The following DLGAP2 variants were observed in gnomAD, a reference collection of about 807,000 sequenced individuals.
DLGAP2 encodes DLG associated protein 2.
Under a neutral mutation model 100.3 loss-of-function variants are expected in DLGAP2, and 26 were observed. That is an observed-to-expected ratio of 0.26 (90% confidence interval 0.19 to 0.36). The LOEUF (loss-of-function observed/expected upper bound fraction) is 0.36. Ranked by LOEUF, DLGAP2 falls within the 10% of genes least tolerant of loss-of-function variation. The pLI, the probability that DLGAP2 is intolerant of heterozygous loss-of-function variation, is 1.00. For missense variants in DLGAP2, 1,858 were observed against 1,453.2 expected (o/e 1.28, Z -4.53); for synonymous variants, 886 against 630.1 (o/e 1.41, Z -6.08).
intron 3 of DLGAP2, among the ~76,000 whole-genome samples, chr8:1,418,204 G>A (rs982501507): frequency 6.6e-6 from 1 of 152,214 alleles, no homozygotes; most frequent in African/African-American, 2.4e-5. Context: ...CCCAAAGAAT[G>A]ATGATGTAAC....
At chr8:1,573,792 C>T (rs1356176283) in intron 6 of DLGAP2, among the ~76,000 whole-genome samples, 1 of 152,136 alleles carries the variant, frequency 6.6e-6, no homozygotes, top group Non-Finnish European at 1.5e-5. Context: ...CTCCCAGCTT[C>T]AGGCAGGGCT....
chr8:1,663,256 C>G (rs75821209), intron 8 of DLGAP2, among the ~76,000 whole-genome samples: 448 of 152,118 alleles, frequency 2.9e-3, no homozygotes, highest in African/African-American at 9.3e-3. Flanking sequence ...CACATGCGCA[C>G]TCCAAGGTGA....
intron 3 of DLGAP2, chr8:1,301,357 G>A (rs1267082852): frequency 1.3e-5 from 2 of 152,244 alleles, no homozygotes; most frequent in Non-Finnish European, 2.9e-5. Context: ...GGGCCTAGGA[G>A]GCATGGAAAA....
chr8:1,133,095 G>C (rs117152333), intron 2 of DLGAP2, among the ~76,000 whole-genome samples: 1 of 152,150 alleles, frequency 6.6e-6, no homozygotes, highest in Non-Finnish European at 1.5e-5. Flanking sequence ...GTTTCCAGGC[G>C]TTCCTTTAGT....
intron 2 of DLGAP2, among the ~76,000 whole-genome samples, chr8:1,223,926 G>C (rs1306311962): frequency 1.3e-5 from 2 of 152,112 alleles, no homozygotes; most frequent in Non-Finnish European, 2.9e-5. Context: ...CATACTCCTT[G>C]TTGTTAAAAA....
At chr8:1,520,685 A>G (rs1267855655) in intron 4 of DLGAP2, among the ~76,000 whole-genome samples, 1 of 152,222 alleles carries the variant, frequency 6.6e-6, no homozygotes, top group East Asian at 1.9e-4. Context: ...AAGAGTGTGA[A>G]GGCTTTTTCA....
chr8:1,390,623 C>A (rs1796328408), intron 3 of DLGAP2, among the ~76,000 whole-genome samples: 1 of 152,122 alleles, frequency 6.6e-6, no homozygotes, highest in Non-Finnish European at 1.5e-5. Flanking sequence ...GACTTCTGCC[C>A]TTTAACTGCA....
chr8:1,449,286 G>C (rs1476324199), intron 3 of DLGAP2, among the ~76,000 whole-genome samples: 1 of 152,200 alleles, frequency 6.6e-6, no homozygotes, highest in Non-Finnish European at 1.5e-5. Flanking sequence ...ATTGTTCTGA[G>C]ACAGGGTCGG....
At chr8:1,066,510 C>T (rs1406913678) in intron 2 of DLGAP2, among the ~76,000 whole-genome samples, 18 of 151,078 alleles carry the variant, frequency 1.2e-4, no homozygotes, top group Non-Finnish European at 2.1e-4. Flanking sequence ...TGAGTGAGGA[C>T]AGTTCCCCAC....
intron 2 of DLGAP2, among the ~76,000 whole-genome samples, chr8:1,030,558 C>T (rs542894659): frequency 2.8e-4 from 42 of 152,122 alleles, no homozygotes; most frequent in Non-Finnish European, 4.9e-4. Context: ...AAACATTTAA[C>T]ATAAAATGGT....
chr8:1,412,478 A>T (rs1237625954), intron 3 of DLGAP2, among the ~76,000 whole-genome samples: 2 of 152,218 alleles, frequency 1.3e-5, no homozygotes, highest in African/African-American at 4.8e-5. Context: ...GTGCTGAAAT[A>T]TCCCACTGCT....
chr8:886,751 G>T (rs754830920), intron 1 of DLGAP2, among the ~76,000 whole-genome samples: 2 of 152,180 alleles, frequency 1.3e-5, no homozygotes, highest in Non-Finnish European at 2.9e-5. Flanking sequence ...TATGATTTCA[G>T]TTCTTTTGCA....
At chr8:1,437,697 G>A in intron 3 of DLGAP2, among the ~76,000 whole-genome samples, 1 of 151,574 alleles carries the variant, frequency 6.6e-6, no homozygotes, top group East Asian at 1.9e-4. Flanking sequence ...TCACCGGCCG[G>A]TGGCTCATGC....
intron 2 of DLGAP2, among the ~76,000 whole-genome samples, chr8:1,005,034 C>A (rs1801066520): frequency 6.6e-6 from 1 of 152,260 alleles, no homozygotes; most frequent in South Asian, 2.1e-4. Flanking sequence ...CCATGGAGGG[C>A]AATGAGTGAA....
At chr8:756,382 C>T (rs1820922207) in intron 1 of DLGAP2, among the ~76,000 whole-genome samples, 1 of 152,150 alleles carries the variant, frequency 6.6e-6, no homozygotes, top group Admixed American at 6.5e-5. Context: ...GGTTAGAAAC[C>T]ATGGAGCTGA....
At chr8:1,061,324 G>C (rs1358349067) in intron 2 of DLGAP2, among the ~76,000 whole-genome samples, 3 of 152,252 alleles carry the variant, frequency 2.0e-5, no homozygotes, top group African/African-American at 7.2e-5. Context: ...GCCCAACTGT[G>C]GTTTCTACCA....
At chr8:1,281,560 C>T (rs972277386) in intron 3 of DLGAP2, among the ~76,000 whole-genome samples, 5 of 152,196 alleles carry the variant, frequency 3.3e-5, no homozygotes, top group African/African-American at 7.2e-5. Context: ...GCATTAAAGA[C>T]ATGAGCGGAG....
intron 2 of DLGAP2, among the ~76,000 whole-genome samples, chr8:1,158,325 G>T (rs957506199): frequency 4.6e-5 from 7 of 152,164 alleles, no homozygotes; most frequent in Admixed American, 6.5e-5. Context: ...ACATGTATCT[G>T]TGTGTTATAT....
At chr8:1,521,189 GT>G (rs1800584793) in intron 4 of DLGAP2, among the ~76,000 whole-genome samples, 1 of 105,934 alleles carries the variant, frequency 9.4e-6, no homozygotes, top group South Asian at 4.7e-4. Flanking sequence ...TTGCACACTT[GT>G]TTTAATTTGG....
Sources: gnomAD v4.1 joint callset for allele counts (sites outside exome capture counted in the v4.1 genomes callset) on GRCh38, gnomAD v4.1.1 for gene constraint, MANE v1.5 for transcripts, NCBI Gene and HGNC (gene_info 2026-07-23, HGNC 2026-07-21) for gene names.